Variants in LRCH1 observed in about 807,000 individuals in gnomAD.
The protein encoded by LRCH1 is leucine-rich repeat and calponin homology domain-containing protein 1.
In LRCH1, 23 loss-of-function variants were observed where a neutral mutation model predicts 94.9. The observed-to-expected ratio is 0.24, with a 90% CI of 0.17 to 0.34. The LOEUF is 0.34. LRCH1 is among the 10% of genes least tolerant of loss of function. The pLI is 1.00. For synonymous variants in LRCH1, 364 were observed against 354.9 expected (o/e 1.03, Z -0.29); for missense variants, 790 against 945.9 (o/e 0.84, Z 2.16).
At chr13:46,638,271 A>T (rs2051116342) in intron 1 of LRCH1, among the ~76,000 whole-genome samples, 1 of 152,298 alleles carries the variant, frequency 6.6e-6, no homozygotes, top group Non-Finnish European at 1.5e-5. Context: ...TCTGAATTAT[A>T]TTTACTTAAA....
intron 1 of LRCH1, among the ~76,000 whole-genome samples, chr13:46,568,451 G>A (rs945497782): frequency 1.3e-5 from 2 of 152,186 alleles, no homozygotes; most frequent in African/African-American, 4.8e-5. Context: ...AATTGGTCCA[G>A]GTTATCCTGG....
chr13:46,619,976 G>A (rs1422919358), intron 1 of LRCH1, among the ~76,000 whole-genome samples: 1 of 152,172 alleles, frequency 6.6e-6, no homozygotes, highest in East Asian at 1.9e-4. Context: ...AGTGGAAAGG[G>A]TATGTTTAAT....
At chr13:46,695,934 G>A (rs930742777) in intron 9 of LRCH1, among the ~76,000 whole-genome samples, 4 of 152,132 alleles carry the variant, frequency 2.6e-5, no homozygotes, top group African/African-American at 4.8e-5. Flanking sequence ...AATAATGAAC[G>A]TGACATATGT....
At chr13:46,719,689 T>C (rs916050560) in intron 16 of LRCH1, among the ~76,000 whole-genome samples, 1 of 152,240 alleles carries the variant, frequency 6.6e-6, no homozygotes, top group Non-Finnish European at 1.5e-5. Context: ...TATGTGCAAA[T>C]CTTTTTCATT....
chr13:46,636,271 C>T (rs2051088435), intron 1 of LRCH1, among the ~76,000 whole-genome samples: 1 of 151,728 alleles, frequency 6.6e-6, no homozygotes, highest in Admixed American at 6.6e-5. Flanking sequence ...GGGGTTTCAC[C>T]ATGTTGGCCA....
rs753141990 is a variant in LRCH1 at position 46,553,589 on chromosome 13, C to A, written c.193C>A (p.Arg65Ser). 1.7e-5 allele frequency: 27 copies of A among 1,555,522 alleles called. No homozygotes were observed. The highest frequency in any genetic ancestry group is 2.3e-5 in the Non-Finnish European group (26 of 1,150,330). ...FNLPLNRGLE[R>S]ALEEAANSGG... is the part of the protein sequence containing the mutation. ...CCTGCCCTTGAACCGGGGTCTGGAGCGCGCGCTTGAGGAGGCGGCCAACTC... is the reference window on the plus strand; with the variant it reads ...CCTGCCCTTGAACCGGGGTCTGGAGAGCGCGCTTGAGGAGGCGGCCAACTC... Residue 65 changes from arginine to serine, a missense_variant, in exon 1 of 20, where the codon CGC becomes AGC. Around this residue, in one of 3 missense-constraint regions of LRCH1, gnomAD observed 136 missense variants for 143.5 expected, o/e 0.95. Transcript: ENST00000389797.
chr13:46,730,400 T>A (rs1873042195), intron 18 of LRCH1, among the ~76,000 whole-genome samples: 2 of 152,238 alleles, frequency 1.3e-5, no homozygotes, highest in East Asian at 3.9e-4. Flanking sequence ...TCATAAAATC[T>A]CAGAGCCCAG....
At chr13:46,712,428 GTAGTTTTGT>G (rs1872113628) in intron 14 of LRCH1, 88 bp from the exon 15 acceptor site, 3 of 911,338 alleles carry the variant, frequency 3.3e-6, no homozygotes, top group Non-Finnish European at 5.2e-6. Flanking sequence ...CAAAAAGGGA[GTAGTTTTGT>G]TACAATCCTT....
intron 1 of LRCH1, among the ~76,000 whole-genome samples, chr13:46,582,166 A>G (rs2050375540): frequency 6.7e-6 from 1 of 148,414 alleles, no homozygotes; most frequent in East Asian, 2.0e-4. Flanking sequence ...AAAAAAAAAA[A>G]GAAAGAAAGA....
At chr13:46,610,551 C>T (rs76442921) in intron 1 of LRCH1, among the ~76,000 whole-genome samples, 10,704 of 150,916 alleles carry the variant, frequency 0.071, 519 homozygotes, top group Middle Eastern at 0.15. Context: ...TTAGCTCCCA[C>T]TTAGGAGTGA....
chr13:46,576,588 G>T (rs1179334342), intron 1 of LRCH1, among the ~76,000 whole-genome samples: 1 of 152,164 alleles, frequency 6.6e-6, no homozygotes, highest in Non-Finnish European at 1.5e-5. Context: ...GTGTCCTTCG[G>T]AATATTGGAG....
chr13:46,594,243 G>GAAAAAAA (rs1266865419), intron 1 of LRCH1, among the ~76,000 whole-genome samples: 1 of 119,924 alleles, frequency 8.3e-6, no homozygotes. Context: ...TAATCTCAGT[G>GAAAAAAA]AAAAAAAAAA....
rs549224326 is a variant in LRCH1, at chr13:46,715,805, G to T, written c.1759+141G>T. 54 of 610,072 alleles carry T rather than the reference G, an allele frequency of 8.9e-5. 1 individual carries two copies. In the South Asian group the frequency reaches 1.1e-3, roughly 12 times the overall value. 37.8% of individuals were successfully genotyped at this position (610,072 alleles called of 1,614,324 possible). ...GAAATAATGTGTAAGCCTGGAAAGT[G>T]AAGTCCAGAAAAGTGCACGTGGATT... On this transcript the variant is annotated intron_variant, in intron 16 of 19. Transcript: ENST00000389797.
intron 2 of LRCH1, among the ~76,000 whole-genome samples, chr13:46,665,126 A>G (rs2051498234): frequency 6.6e-6 from 1 of 152,236 alleles, no homozygotes; most frequent in African/African-American, 2.4e-5. Flanking sequence ...CTGAAAATAC[A>G]GAGGTATATT....
rs1448167194 is a variant in LRCH1, at chr13:46,728,896, C to T, written c.1919C>T (p.Ala640Val). 1 of 1,613,350 alleles carries T rather than the reference C, an allele frequency of 6.2e-7. No individual in the cohort carries two copies. The highest frequency in any genetic ancestry group is 1.3e-5 in the African/African-American group (1 of 74,916). ...KVSLHEDLGA[A>V]LMDGVVLCHL... ...AGTCTACACGAAGACCTGGGGGCAG[C>T]CCTCATGGATGGTGTCGTCCTCTGC... The change falls in exon 18 of 20, where the codon GCC becomes GTC. Residue 640 changes from alanine to valine, a missense_variant. By Grantham distance (64) the Ala-to-Val change is moderately conservative. Transcript: ENST00000389797.
chr13:46,703,975 A>T (rs774140667), intron 11 of LRCH1, among the ~76,000 whole-genome samples: 2 of 152,148 alleles, frequency 1.3e-5, no homozygotes, highest in Non-Finnish European at 2.9e-5. Context: ...TCCAAGTGAC[A>T]CTTGATTTGC....
intron 1 of LRCH1, among the ~76,000 whole-genome samples, chr13:46,582,704 T>A (rs1483252523): frequency 7.5e-6 from 1 of 133,242 alleles, no homozygotes; most frequent in African/African-American, 2.8e-5. Flanking sequence ...TCTCAACATG[T>A]TGCCCAGGCT....
rs76962192 is a variant in LRCH1, at chr13:46,618,161, C to T, written c.308-32040C>T. Among the ~76,000 whole-genome samples the T allele has an allele frequency of 4.7e-3, 715 of 152,238 alleles. 5 individuals are homozygous for T. The highest frequency in any genetic ancestry group is 0.014 in the African/African-American group (598 of 41,516). The stretch of plus-strand genomic sequence containing the variant: ...TGCACACATAGGGTATATGGTGTAA[C>T]CTATTGCTCCTAGTCTACAAACCCG... On this transcript the variant is annotated intron_variant, in intron 1 of 19. Transcript: ENST00000389797.
Position 46,715,583 on chromosome 13 carries a change from A to G in LRCH1, c.1678A>G (p.Ile560Val), listed in dbSNP as rs371618136. 99 of 1,536,678 alleles carry G rather than the reference A, an allele frequency of 6.4e-5. No homozygotes were observed. Among genetic ancestry groups the G allele is most frequent in the Middle Eastern group, 3.3e-4 (2 of 6,010 alleles). The change falls in exon 16 of 20, where the codon ATC becomes GTC. Residue 560 changes from isoleucine (I) to valine (V), a missense_variant. This residue lies in a region of LRCH1 where 460 missense variants were observed against 508.9 expected (regional missense o/e 0.90). Coordinates refer to ENST00000389797, the MANE Select transcript of LRCH1 (RefSeq NM_001164211.2). ...RSDPALILPPISFNTLTQAQT... is the reference protein window; with the variant it reads ...RSDPALILPPVSFNTLTQAQT... ...AGACCCAGCCCTCATTCTTCCTCCT[A>G]TCTCCTTCAACACACTTACACAGGC...
Sources: allele counts gnomAD v4.1 joint callset (sites outside exome capture counted in the v4.1 genomes callset), GRCh38; gene constraint gnomAD v4.1.1; regional missense constraint gnomAD v4.1.1; transcripts MANE v1.5; gene names NCBI Gene and HGNC (gene_info 2026-07-23, HGNC 2026-07-21).